Variants in LHFPL3 observed in about 807,000 individuals in gnomAD.
The protein encoded by LHFPL3 is LHFPL tetraspan subfamily member 3, also known as LHFPL tetraspan subfamily member 3 protein.
In LHFPL3, 5 loss-of-function variants were observed where a neutral mutation model predicts 19.3. The observed-to-expected ratio is 0.26, with a 90% CI of 0.14 to 0.54. The LOEUF is 0.54. LHFPL3 is among the 20% of genes least tolerant of loss of function. LHFPL3 has a pLI of 0.94. For synonymous variants in LHFPL3, 133 were observed against 126.2 expected (o/e 1.05, Z -0.36); for missense variants, 249 against 307.4 (o/e 0.81, Z 1.42).
intron 1 of LHFPL3, among the ~76,000 whole-genome samples, chr7:104,440,331 G>C (rs1480516936): frequency 6.6e-6 from 1 of 151,550 alleles, no homozygotes; most frequent in Non-Finnish European, 1.5e-5. Context: ...ACCAAACACT[G>C]CATGTTCTCA....
intron 2 of LHFPL3, chr7:104,845,446 C>T (rs1447315040): frequency 3.3e-6 from 5 of 1,535,544 alleles, no homozygotes; most frequent in East Asian, 2.4e-5. Context: ...GTGAGCATGG[C>T]TTTGTGGGTT....
At chr7:104,704,569 T>A (rs566001084) in intron 1 of LHFPL3, among the ~76,000 whole-genome samples, 1 of 152,246 alleles carries the variant, frequency 6.6e-6, no homozygotes, top group East Asian at 1.9e-4. Flanking sequence ...ACAAGAGTGA[T>A]TCCTGCATAT....
intron 1 of LHFPL3, among the ~76,000 whole-genome samples, chr7:104,434,031 G>C (rs144021882): frequency 6.6e-6 from 1 of 152,282 alleles, no homozygotes; most frequent in East Asian, 1.9e-4. Flanking sequence ...TAAATGCTAA[G>C]TAAATTGGGG....
chr7:104,594,150 G>A (rs1054333250), intron 1 of LHFPL3, among the ~76,000 whole-genome samples: 6 of 152,142 alleles, frequency 3.9e-5, no homozygotes, highest in Non-Finnish European at 8.8e-5. Flanking sequence ...TTACAATTTG[G>A]CCTGTTCTTG....
chr7:104,793,284 AAG>A (rs1790058201), intron 2 of LHFPL3, among the ~76,000 whole-genome samples: 1 of 152,186 alleles, frequency 6.6e-6, no homozygotes, highest in Admixed American at 6.5e-5. Flanking sequence ...TCCTGGACAA[AAG>A]AGGGGAAAAA....
intron 1 of LHFPL3, among the ~76,000 whole-genome samples, chr7:104,378,946 T>C (rs1040831400): frequency 6.6e-6 from 1 of 152,216 alleles, no homozygotes; most frequent in African/African-American, 2.4e-5. Flanking sequence ...ATAGAGTCTT[T>C]CAAAGAGTTC....
chr7:104,394,667 C>A (rs1304187056), intron 1 of LHFPL3, among the ~76,000 whole-genome samples: 1 of 151,398 alleles, frequency 6.6e-6, no homozygotes, highest in African/African-American at 2.4e-5. Context: ...ATTAATAAGG[C>A]AATTGACATT....
intron 1 of LHFPL3, among the ~76,000 whole-genome samples, chr7:104,507,244 T>C (rs1019160399): frequency 7.3e-5 from 11 of 150,676 alleles, no homozygotes; most frequent in African/African-American, 1.5e-4. Context: ...AGCATGGTAC[T>C]GGTACCAAAA....
chr7:104,596,456 A>G (rs1192203843), intron 1 of LHFPL3, among the ~76,000 whole-genome samples: 1 of 152,242 alleles, frequency 6.6e-6, no homozygotes, highest in Admixed American at 6.5e-5. Flanking sequence ...ATTGATGGTT[A>G]CAAGTCTAAG....
chr7:104,546,309 A>G (rs1198095254), intron 1 of LHFPL3, among the ~76,000 whole-genome samples: 1 of 152,184 alleles, frequency 6.6e-6, no homozygotes, highest in Non-Finnish European at 1.5e-5. Flanking sequence ...AAATACATGA[A>G]TCCATAGCAA....
chr7:104,763,874 T>C (rs1584521429), intron 2 of LHFPL3, among the ~76,000 whole-genome samples: 1 of 152,320 alleles, frequency 6.6e-6, no homozygotes, highest in African/African-American at 2.4e-5. Flanking sequence ...ATTACATCCC[T>C]TTCTGCTTAA....
At chr7:104,383,012 G>A (rs983118040) in intron 1 of LHFPL3, among the ~76,000 whole-genome samples, 4 of 152,036 alleles carry the variant, frequency 2.6e-5, no homozygotes, top group East Asian at 1.9e-4. Context: ...CTGAGGCGCC[G>A]TGAGGCGCTA....
chr7:104,586,232 GGA>G (rs1790573565), intron 1 of LHFPL3, among the ~76,000 whole-genome samples: 1 of 152,058 alleles, frequency 6.6e-6, no homozygotes, highest in East Asian at 1.9e-4. Context: ...TAGTTCTAAT[GGA>G]GTAAGAGAAA....
chr7:104,777,319 T>A (rs1794651394), intron 2 of LHFPL3, among the ~76,000 whole-genome samples: 1 of 152,228 alleles, frequency 6.6e-6, no homozygotes, highest in Admixed American at 6.5e-5. Context: ...TGTGCTTAAG[T>A]GCTTGTTGTT....
intron 1 of LHFPL3, among the ~76,000 whole-genome samples, chr7:104,423,849 CAACA>C (rs1000899877): frequency 2.6e-5 from 4 of 152,050 alleles, no homozygotes; most frequent in African/African-American, 7.2e-5. Context: ...CAAAGGCAAA[CAACA>C]AACAAACAGA....
chr7:104,628,112 G>T (rs1791579397), intron 1 of LHFPL3, among the ~76,000 whole-genome samples: 1 of 152,106 alleles, frequency 6.6e-6, no homozygotes, highest in South Asian at 2.1e-4. Flanking sequence ...AGGCAGAGAG[G>T]AGCACAAGTC....
intron 1 of LHFPL3, among the ~76,000 whole-genome samples, chr7:104,563,655 G>A: frequency 9.7e-6 from 1 of 102,806 alleles, no homozygotes. Flanking sequence ...GTGTTGCTCA[G>A]GCTGGGAGCT....
intron 2 of LHFPL3, among the ~76,000 whole-genome samples, chr7:104,866,456 A>G (rs1791724923): frequency 6.6e-6 from 1 of 152,224 alleles, no homozygotes; most frequent in African/African-American, 2.4e-5. Context: ...CTTTAAACCA[A>G]CAAAGATCAG....
At chr7:104,724,042 A>G (rs923158278) in intron 1 of LHFPL3, among the ~76,000 whole-genome samples, 1 of 152,234 alleles carries the variant, frequency 6.6e-6, no homozygotes, top group African/African-American at 2.4e-5. Flanking sequence ...TATAAAGCCA[A>G]GAGGAGTATT....
Sources: gnomAD v4.1 joint callset for allele counts (sites outside exome capture counted in the v4.1 genomes callset) on GRCh38, gnomAD v4.1.1 for gene constraint, MANE v1.5 for transcripts, NCBI Gene and HGNC (gene_info 2026-07-23, HGNC 2026-07-21) for gene names.